The following CHST8 variants were observed in gnomAD, a reference collection of about 807,000 sequenced individuals.
CHST8 encodes the protein GALNAC-4-ST1.
In CHST8, 10 loss-of-function variants were observed where a neutral mutation model predicts 15.0. That is an observed-to-expected ratio of 0.67 (90% CI 0.41 to 1.13). The LOEUF is 1.13. Ranked by LOEUF, CHST8 falls within the 50% of genes most tolerant of loss-of-function variation. CHST8 has a pLI of 0.00. For synonymous variants in CHST8, 259 were observed against 256.6 expected (o/e 1.01, Z -0.09); for missense variants, 634 against 608.2 (o/e 1.04, Z -0.45).
At chr19:33,660,109 T>C (rs1446724168) in intron 1 of CHST8, among the ~76,000 whole-genome samples, 1 of 152,224 alleles carries the variant, frequency 6.6e-6, no homozygotes, top group Non-Finnish European at 1.5e-5. Flanking sequence ...TGACCAGCCT[T>C]CCTCTGTGGA....
At chr19:33,757,694 A>G (rs967089978) in intron 3 of CHST8, among the ~76,000 whole-genome samples, 10 of 151,838 alleles carry the variant, frequency 6.6e-5, no homozygotes, top group Admixed American at 6.6e-4. Flanking sequence ...GACAAGCCCA[A>G]GATTGGCATC....
chr19:33,704,894 G>A (rs1199150517), intron 3 of CHST8, among the ~76,000 whole-genome samples: 1 of 148,284 alleles, frequency 6.7e-6, no homozygotes, highest in Non-Finnish European at 1.5e-5. Context: ...GGGCGACAGA[G>A]TGAGATGCTG....
chr19:33,729,056 C>G (rs141105446), intron 3 of CHST8, among the ~76,000 whole-genome samples: 17 of 152,284 alleles, frequency 1.1e-4, no homozygotes, highest in African/African-American at 4.1e-4. Flanking sequence ...TTCTAGCAGG[C>G]GTGGGCAGAG....
At chr19:33,647,595 T>A (rs918440343) in intron 1 of CHST8, among the ~76,000 whole-genome samples, 1 of 152,140 alleles carries the variant, frequency 6.6e-6, no homozygotes, top group Non-Finnish European at 1.5e-5. Context: ...CTTATAATCC[T>A]AGCACTTTGG....
intron 2 of CHST8, among the ~76,000 whole-genome samples, chr19:33,673,648 A>G (rs1037684227): frequency 1.3e-5 from 2 of 152,144 alleles, no homozygotes; most frequent in Non-Finnish European, 2.9e-5. Flanking sequence ...GGAAGAATGC[A>G]TGGGTCTGCT....
chr19:33,726,596 G>T (rs1973905431), intron 3 of CHST8, among the ~76,000 whole-genome samples: 1 of 152,142 alleles, frequency 6.6e-6, no homozygotes, highest in African/African-American at 2.4e-5. Context: ...AGTGAAGGGT[G>T]TGGGCACTAG....
chr19:33,630,121 C>T (rs913961153), intron 1 of CHST8, among the ~76,000 whole-genome samples: 14 of 152,220 alleles, frequency 9.2e-5, no homozygotes, highest in African/African-American at 2.9e-4. Flanking sequence ...CTGAGACCCT[C>T]CTCCAGCCTT....
At chr19:33,678,679 C>T (rs919914529) in intron 2 of CHST8, among the ~76,000 whole-genome samples, 2 of 152,136 alleles carry the variant, frequency 1.3e-5, no homozygotes, top group African/African-American at 4.8e-5. Flanking sequence ...TTTGAGGCTG[C>T]AGTGAGCCAT....
chr19:33,762,837 A>C (rs1467171920), intron 3 of CHST8, among the ~76,000 whole-genome samples: 1 of 151,438 alleles, frequency 6.6e-6, no homozygotes, highest in Admixed American at 6.6e-5. Context: ...GTCACACAGC[A>C]GTGGGTGTGT....
chr19:33,664,338 G>A (rs1329588034), intron 1 of CHST8, among the ~76,000 whole-genome samples: 1 of 151,392 alleles, frequency 6.6e-6, no homozygotes, highest in Non-Finnish European at 1.5e-5. Flanking sequence ...ACAATGTGCA[G>A]GTTAGTTACA....
intron 3 of CHST8, among the ~76,000 whole-genome samples, chr19:33,749,002 T>C (rs1448133765): frequency 2.6e-5 from 4 of 152,056 alleles, no homozygotes; most frequent in African/African-American, 9.7e-5. Context: ...ATCAGAGGAA[T>C]TCAGGACGCC....
intron 1 of CHST8, among the ~76,000 whole-genome samples, chr19:33,657,353 C>T (rs774123020): frequency 4.6e-4 from 70 of 151,670 alleles, no homozygotes; most frequent in Non-Finnish European, 8.7e-4. Context: ...ACTGCAACCT[C>T]CACCTCCCAG....
At position 33,729,071 on chromosome 19, in the gene CHST8, G is replaced by C. The variant is rs8108155; in HGVS notation, c.130+39680G>C. ...TTCTAGCAGGCGTGGGCAGAGAGGA[G>C]ATGGGCACTCCCCCACTGTGCAACA... On this transcript the variant is annotated intron_variant, in intron 3 of 4. Coordinates refer to ENST00000650847, the MANE Select transcript of CHST8 (RefSeq NM_001127895.2). Among the ~76,000 whole-genome samples the C allele has an allele frequency of 5.5e-3, 840 of 152,306 alleles. 6 individuals carry two copies. Among genetic ancestry groups the C allele is most frequent in the African/African-American group, 0.019 (810 of 41,552 alleles).
Position 33,772,800 on chromosome 19 carries a change from T to C in CHST8, c.1012T>C (p.Cys338Arg), listed in dbSNP as rs773225987. 1 of 1,613,562 alleles carries C rather than the reference T, an allele frequency of 6.2e-7. No individual in the cohort carries two copies. The highest frequency in any genetic ancestry group is 2.2e-5 in the East Asian group (1 of 44,864). ...WDHVSRLCSP[C>R]LIDYDFVGKF... is the part of the protein sequence containing the mutation. ...CCATGTCAGCCGGCTCTGCAGCCCC[T>C]GCCTCATCGACTACGATTTCGTAGG... Residue 338 changes from cysteine (C) to arginine (R), a missense_variant, in exon 5 of 5, where the codon TGC (cysteine) becomes CGC (arginine). Physicochemically the swap from Cys to Arg is radical, Grantham distance 180. Coordinates refer to ENST00000650847, the MANE Select transcript of CHST8 (RefSeq NM_001127895.2).
intron 3 of CHST8, 67 bp downstream of exon 3, chr19:33,689,458 C>T: frequency 6.8e-7 from 1 of 1,468,172 alleles, no homozygotes; most frequent in Non-Finnish European, 9.0e-7. Context: ...CAGGCCTCCA[C>T]AGCTGCCCTG....
chr19:33,666,899 A>G (rs748533699), intron 1 of CHST8, among the ~76,000 whole-genome samples: 4 of 152,038 alleles, frequency 2.6e-5, no homozygotes, highest in African/African-American at 4.8e-5. Flanking sequence ...GACCAGTTTC[A>G]TTATGTTGCC....
chr19:33,676,908 G>A (rs1490144522), intron 2 of CHST8, among the ~76,000 whole-genome samples: 1 of 152,012 alleles, frequency 6.6e-6, no homozygotes, highest in Non-Finnish European at 1.5e-5. Context: ...AGAAATCCAG[G>A]TTTCCAAATA....
intron 3 of CHST8, among the ~76,000 whole-genome samples, chr19:33,744,654 T>C (rs906189836): frequency 6.6e-6 from 1 of 152,170 alleles, no homozygotes; most frequent in Non-Finnish European, 1.5e-5. Flanking sequence ...TCGAATGAAC[T>C]CTTCGGCTCA....
chr19:33,762,427 C>T (rs1974752508), intron 3 of CHST8, among the ~76,000 whole-genome samples: 1 of 152,238 alleles, frequency 6.6e-6, no homozygotes, highest in Admixed American at 6.5e-5. Context: ...CAAGGCTGAG[C>T]TGACAGGAAC....
Sources: gnomAD v4.1 joint callset for allele counts (sites outside exome capture counted in the v4.1 genomes callset) on GRCh38, gnomAD v4.1.1 for gene constraint, MANE v1.5 for transcripts, NCBI Gene and HGNC (gene_info 2026-07-23, HGNC 2026-07-21) for gene names.